The following RYR2 variants were observed in gnomAD, a reference collection of about 807,000 sequenced individuals.
The protein encoded by RYR2 is cardiac muscle ryanodine receptor-calcium release channel.
A neutral mutation model predicts 601.1 loss-of-function variants in RYR2; 227 were observed. That is an observed-to-expected ratio of 0.38 (90% confidence interval 0.34 to 0.42). The LOEUF (loss-of-function observed/expected upper bound fraction) is 0.42. Ranked by LOEUF, RYR2 falls within the 10% of genes least tolerant of loss-of-function variation. The pLI is 1.00. For synonymous variants in RYR2, 2,223 were observed against 2,175.1 expected (o/e 1.02, Z -0.61); for missense variants, 4,646 against 6,156.5 (o/e 0.75, Z 8.21).
chr1:237,727,407 G>A (rs796767518), intron 76 of RYR2, among the ~76,000 whole-genome samples: 14 of 152,240 alleles, frequency 9.2e-5, no homozygotes, highest in African/African-American at 3.4e-4. Context: ...GACTCTTACT[G>A]AGGAATATCT....
chr1:237,685,935 C>T (rs1233163702), intron 62 of RYR2, among the ~76,000 whole-genome samples: 4 of 152,210 alleles, frequency 2.6e-5, no homozygotes, highest in African/African-American at 9.6e-5. Context: ...AAATACCCTA[C>T]ATAATTTTCA....
At chr1:237,635,314 C>T (rs1211954365) in intron 44 of RYR2, among the ~76,000 whole-genome samples, 2 of 152,068 alleles carry the variant, frequency 1.3e-5, no homozygotes, top group Non-Finnish European at 2.9e-5. Context: ...AAACATTTTT[C>T]TATGGAAGGA....
At chr1:237,755,038 C>A (rs1276606499) in intron 80 of RYR2, 2 of 1,280,588 alleles carry the variant, frequency 1.6e-6, no homozygotes, top group Non-Finnish European at 2.0e-6. Flanking sequence ...CAAAAAAAAC[C>A]CTGATCAATT....
intron 10 of RYR2, among the ~76,000 whole-genome samples, chr1:237,392,921 A>G (rs1275220294): frequency 6.6e-6 from 1 of 152,232 alleles, no homozygotes; most frequent in Non-Finnish European, 1.5e-5. Flanking sequence ...TAGTATACAC[A>G]AAGTTACAAA....
Position 237,638,349 on chromosome 1 carries a change from G to A in RYR2, c.6793-8G>A, listed in dbSNP as rs1681091489. 6.2e-7 allele frequency: 1 copy of A among 1,613,812 alleles called. No individual in the cohort carries two copies. The highest frequency in any genetic ancestry group is 8.5e-7 in the Non-Finnish European group (1 of 1,179,778). The stretch of plus-strand genomic sequence containing the variant: ...GGGATAACTCTTTGTTAATCATGTT[G>A]TTTGCAGGTAGTTCGTTATTTGGCT... On this transcript the variant is annotated splice_region_variant and splice_polypyrimidine_tract_variant and intron_variant, in intron 44 of 104. Transcript: ENST00000366574.
At chr1:237,806,548 C>T (rs1660655736) in intron 99 of RYR2, among the ~76,000 whole-genome samples, 1 of 151,990 alleles carries the variant, frequency 6.6e-6, no homozygotes, top group Non-Finnish European at 1.5e-5. Flanking sequence ...GAAATAAAAA[C>T]AAATGTGTAT....
intron 45 of RYR2, among the ~76,000 whole-genome samples, 198 bp from the exon 46 acceptor site, chr1:237,638,817 C>A (rs186265444): frequency 6.6e-6 from 1 of 152,246 alleles, no homozygotes; most frequent in East Asian, 1.9e-4. Context: ...ATGCTTTACT[C>A]TGAAAATTTT....
chr1:237,310,011 A>G (rs542146528), intron 2 of RYR2, among the ~76,000 whole-genome samples: 3 of 152,258 alleles, frequency 2.0e-5, no homozygotes, highest in South Asian at 4.1e-4. Context: ...ACCTCCCTGC[A>G]AGCAGAGGGA....
chr1:237,126,772 T>C (rs895349027), intron 1 of RYR2, among the ~76,000 whole-genome samples: 1 of 151,986 alleles, frequency 6.6e-6, no homozygotes, highest in Non-Finnish European at 1.5e-5. Flanking sequence ...TTTTATTTTT[T>C]TTATTTATTT....
intron 100 of RYR2, among the ~76,000 whole-genome samples, chr1:237,814,954 T>C (rs953110064): frequency 3.6e-5 from 5 of 138,682 alleles, no homozygotes; most frequent in African/African-American, 1.1e-4. Context: ...TCTGCTCCTT[T>C]TTTCTTTTTT....
chr1:237,143,378 C>T (rs571453157), intron 1 of RYR2, among the ~76,000 whole-genome samples: 1 of 152,322 alleles, frequency 6.6e-6, no homozygotes, highest in South Asian at 2.1e-4. Flanking sequence ...TTACCCTCTC[C>T]TCAACTTTGG....
chr1:237,432,165 T>G (rs4376723), intron 12 of RYR2, among the ~76,000 whole-genome samples: 113,651 of 150,642 alleles, frequency 0.75, 43,388 homozygotes, highest in African/African-American at 0.87. Flanking sequence ...GAATTTTCCT[T>G]CCCTTCATTC....
Position 237,058,642 on chromosome 1 carries a change from C to T in RYR2, c.48+16073C>T, listed in dbSNP as rs1401852748. 3.3e-5 allele frequency among the ~76,000 whole-genome samples: 5 copies of T among 152,252 alleles called. No individual in the cohort carries two copies. In the South Asian group the frequency reaches 8.3e-4, roughly 25 times the overall value. On this transcript the variant is annotated intron_variant, in intron 1 of 104. Coordinates refer to ENST00000366574, the MANE Select transcript of RYR2 (RefSeq NM_001035.3). ...AAAGGAATCTTCCTTGGAGGCGGGG[C>T]GTGGTGGCTCACACCTGTAATCCCA...
chr1:237,410,457 A>G (rs948293657), intron 10 of RYR2, among the ~76,000 whole-genome samples: 4 of 151,986 alleles, frequency 2.6e-5, no homozygotes, highest in African/African-American at 9.7e-5. Flanking sequence ...AAAATGACCA[A>G]TAATATGGGT....
intron 1 of RYR2, among the ~76,000 whole-genome samples, chr1:237,249,113 T>C (rs1687208032): frequency 6.6e-6 from 1 of 152,172 alleles, no homozygotes; most frequent in Admixed American, 6.5e-5. Flanking sequence ...TTGAGCATCT[T>C]TGGATATCAG....
intron 40 of RYR2, among the ~76,000 whole-genome samples, chr1:237,627,399 C>T (rs989459168): frequency 2.0e-5 from 3 of 152,160 alleles, no homozygotes; most frequent in Admixed American, 1.3e-4. Flanking sequence ...TTTGAATGTC[C>T]GTGACCGAAC....
intron 1 of RYR2, among the ~76,000 whole-genome samples, chr1:237,147,663 C>T (rs1436079834): frequency 6.6e-6 from 1 of 152,180 alleles, no homozygotes; most frequent in African/African-American, 2.4e-5. Context: ...AAATCAGCTC[C>T]TGGATTAGAA....
intron 2 of RYR2, among the ~76,000 whole-genome samples, chr1:237,307,216 C>T (rs868428324): frequency 6.6e-6 from 1 of 152,188 alleles, no homozygotes; most frequent in Non-Finnish European, 1.5e-5. Flanking sequence ...CGTTTTTTCA[C>T]TTGCTCTTTA....
intron 2 of RYR2, among the ~76,000 whole-genome samples, chr1:237,324,654 C>T (rs1044488638): frequency 3.9e-5 from 6 of 152,240 alleles, no homozygotes; most frequent in African/African-American, 9.6e-5. Flanking sequence ...TCTTTGAAGT[C>T]GGATAAGTAT....
Sources: allele counts gnomAD v4.1 joint callset (sites outside exome capture counted in the v4.1 genomes callset), GRCh38; gene constraint gnomAD v4.1.1; transcripts MANE v1.5; gene names NCBI Gene and HGNC (gene_info 2026-07-23, HGNC 2026-07-21).